Variants in BBX observed in about 807,000 individuals in gnomAD.
BBX encodes the protein BBX high mobility group box domain containing, also known as HMG box transcription factor BBX.
A neutral mutation model predicts 100.2 loss-of-function variants in BBX; 30 were observed. The ratio of observed to expected loss-of-function variants is 0.30; its 90% CI spans 0.22 to 0.41. The LOEUF (loss-of-function observed/expected upper bound fraction) is 0.41, where lower values mean the gene tolerates loss of function less well. BBX is among the 10% of genes least tolerant of loss of function. The probability of loss-of-function intolerance (pLI) is 1.00; values close to 1 mark genes in which losing one functional copy is unlikely to be tolerated. For missense variants in BBX, 1,023 were observed against 1,129.8 expected, an observed-to-expected ratio of 0.91 and a Z score of 1.35; for synonymous variants, 376 against 388.1, an observed-to-expected ratio of 0.97 and a Z score of 0.37.
At chr3:107,556,569 C>T (rs1182836321) in intron 2 of BBX, among the ~76,000 whole-genome samples, 1 of 151,970 alleles carries the variant, frequency 6.6e-6, no homozygotes, top group African/African-American at 2.4e-5. Flanking sequence ...GTGGTTGTGC[C>T]GATTTTCTGG....
At chr3:107,654,941 C>G (rs534988118) in intron 3 of BBX, among the ~76,000 whole-genome samples, 7 of 152,254 alleles carry the variant, frequency 4.6e-5, no homozygotes, top group Admixed American at 2.0e-4. Context: ...TTAAAATAGG[C>G]AGCAAGTAAA....
intron 5 of BBX, among the ~76,000 whole-genome samples, chr3:107,723,581 C>T (rs892130040): frequency 2.0e-5 from 3 of 151,942 alleles, no homozygotes; most frequent in Non-Finnish European, 4.4e-5. Context: ...CCACAACAGG[C>T]CCCGGTGTGT....
intron 10 of BBX, 48 bp downstream of exon 10, chr3:107,755,726 T>C: frequency 6.8e-7 from 1 of 1,461,572 alleles, no homozygotes; most frequent in South Asian, 1.1e-5. Flanking sequence ...AGGTGGAAAT[T>C]ACAAAATATT....
intron 3 of BBX, among the ~76,000 whole-genome samples, chr3:107,708,499 C>G (rs1275822778): frequency 6.6e-6 from 1 of 151,992 alleles, no homozygotes; most frequent in Non-Finnish European, 1.5e-5. Context: ...TATGGTGAAA[C>G]CCCGTCTCTA....
At chr3:107,729,906 T>C (rs1314537914) in intron 6 of BBX, among the ~76,000 whole-genome samples, 1 of 152,110 alleles carries the variant, frequency 6.6e-6, no homozygotes, top group African/African-American at 2.4e-5. Context: ...TGTGGCAGTA[T>C]TCTATATAAT....
chr3:107,659,610 G>T, intron 3 of BBX: 1 of 552,230 alleles, frequency 1.8e-6, no homozygotes, highest in Non-Finnish European at 2.8e-6. Flanking sequence ...ATCTGCCCAA[G>T]GTTACGCTGC....
chr3:107,701,828 G>A lies in BBX; in HGVS notation c.-9-8624G>A, dbSNP rs116401159. On this transcript the variant is annotated intron_variant, in intron 3 of 17. Transcript: ENST00000325805. The stretch of plus-strand genomic sequence containing the variant: ...GTTTCTCATCTGTAAAAAAAAAAAG[G>A]GGATAATAGTACCTACCTTTTAGGC... 9.0e-3 allele frequency among the ~76,000 whole-genome samples: 1,322 copies of A among 146,606 alleles called. 19 individuals carry two copies. Among genetic ancestry groups the A allele is most frequent in the Non-Finnish European group, 0.012 (769 of 65,728 alleles).
At chr3:107,792,838 T>G (rs1000255731) in intron 15 of BBX, among the ~76,000 whole-genome samples, 1 of 152,180 alleles carries the variant, frequency 6.6e-6, no homozygotes, top group African/African-American at 2.4e-5. Flanking sequence ...ACTTAAAATG[T>G]TTACTCTTTA....
At chr3:107,547,003 A>T (rs2049286062) in intron 2 of BBX, among the ~76,000 whole-genome samples, 1 of 152,174 alleles carries the variant, frequency 6.6e-6, no homozygotes, top group Admixed American at 6.5e-5. Flanking sequence ...AATGTTCAAG[A>T]TAGTTTGAAA....
At chr3:107,656,500 A>T (rs1424623135) in intron 3 of BBX, among the ~76,000 whole-genome samples, 1 of 152,164 alleles carries the variant, frequency 6.6e-6, no homozygotes, top group Non-Finnish European at 1.5e-5. Flanking sequence ...CATAACCACC[A>T]TGGATTTTAT....
intron 2 of BBX, among the ~76,000 whole-genome samples, chr3:107,641,087 C>CTTTTT (rs11403529): frequency 1.4e-5 from 2 of 139,444 alleles, no homozygotes; most frequent in African/African-American, 5.3e-5. Context: ...TCTTTTCTTT[C>CTTTTT]TTTTTTTTTT....
At chr3:107,763,226 C>CTT (rs10708684) in intron 10 of BBX, among the ~76,000 whole-genome samples, 1,986 of 137,578 alleles carry the variant, frequency 0.014, 35 homozygotes, top group Non-Finnish European at 0.021. Context: ...GTGGTATTAC[C>CTT]TTTTTTTTTT....
At chr3:107,801,351 CA>C in intron 17 of BBX, 70 bp downstream of exon 17, 1 of 1,519,866 alleles carries the variant, frequency 6.6e-7, no homozygotes, top group Non-Finnish European at 8.9e-7. Flanking sequence ...TGATTTGTGA[CA>C]TTTTTTACAG....
intron 8 of BBX, among the ~76,000 whole-genome samples, chr3:107,745,640 A>G (rs2064519154): frequency 6.6e-6 from 1 of 151,576 alleles, no homozygotes; most frequent in Non-Finnish European, 1.5e-5. Context: ...TTTTTTTTTA[A>G]ACAGGGTCTC....
chr3:107,683,046 A>T (rs1559963695), intron 3 of BBX, among the ~76,000 whole-genome samples: 1 of 152,176 alleles, frequency 6.6e-6, no homozygotes, highest in Admixed American at 6.6e-5. Flanking sequence ...ATATCAGTCA[A>T]TGCATATACC....
intron 5 of BBX, among the ~76,000 whole-genome samples, chr3:107,720,307 T>A (rs780152480): frequency 1.3e-5 from 2 of 152,002 alleles, no homozygotes; most frequent in Admixed American, 6.6e-5. Context: ...TGGGTAATTA[T>A]GGCAAGAATG....
intron 3 of BBX, among the ~76,000 whole-genome samples, chr3:107,665,037 G>T (rs2058667248): frequency 6.6e-6 from 1 of 152,090 alleles, no homozygotes; most frequent in East Asian, 1.9e-4. Context: ...GGTACTTCGT[G>T]TTTTATAATT....
At chr3:107,764,270 G>T (rs2066182898) in intron 10 of BBX, among the ~76,000 whole-genome samples, 1 of 152,204 alleles carries the variant, frequency 6.6e-6, no homozygotes, top group South Asian at 2.1e-4. Context: ...GGGATTACAG[G>T]CGTGAGCCAC....
chr3:107,774,965 G>T, intron 12 of BBX, 108 bp downstream of exon 12: 5 of 1,310,056 alleles, frequency 3.8e-6, no homozygotes, highest in South Asian at 3.5e-5. Flanking sequence ...TTGACTACTC[G>T]CTCAGGACTT....
Sources: allele counts gnomAD v4.1 joint callset (sites outside exome capture counted in the v4.1 genomes callset), GRCh38; gene constraint gnomAD v4.1.1; transcripts MANE v1.5; gene names NCBI Gene and HGNC (gene_info 2026-07-23, HGNC 2026-07-21).